Variants in YES1 observed in about 807,000 individuals in gnomAD.
YES1 encodes the protein YES proto-oncogene 1, Src family tyrosine kinase.
Under a neutral mutation model 70.4 loss-of-function variants are expected in YES1, and 39 were observed. The observed-to-expected ratio is 0.55, with a 90% CI of 0.43 to 0.72. The LOEUF (loss-of-function observed/expected upper bound fraction) is 0.72. YES1 is among the 30% of genes least tolerant of loss of function. The pLI is 0.00. For missense variants in YES1, 495 were observed against 644.8 expected (o/e 0.77, Z 2.52); for synonymous variants, 198 against 218.6 (o/e 0.91, Z 0.83).
In YES1 at chr18:779,403, C is replaced by CAA. The variant is rs35003724; in HGVS notation, c.-8-22570_-8-22569dup. 8.2e-3 allele frequency among the ~76,000 whole-genome samples: 520 copies of CAA among 63,064 alleles called. 3 individuals carry two copies. Among genetic ancestry groups the CAA allele is most frequent in the African/African-American group, 0.031 (496 of 15,748 alleles). 41.4% of individuals were successfully genotyped at this position (63,064 alleles called of 152,430 possible). A position where few individuals can be genotyped will look rare whatever the true frequency, so the allele number is the denominator to read the frequency against. ...TCGGAGACAGAGTGAGACCCTGTCT[C>CAA]AAAAAAAAAAAAAAAAGAAAGAAAG... On this transcript the variant is annotated intron_variant, in intron 1 of 11. Transcript: ENST00000314574.
chr18:776,917 C>T (rs1026392789), intron 1 of YES1, among the ~76,000 whole-genome samples: 2 of 152,120 alleles, frequency 1.3e-5, no homozygotes, highest in Admixed American at 6.5e-5. Context: ...GGTTAACTTC[C>T]CCAACTTACT....
intron 1 of YES1, among the ~76,000 whole-genome samples, chr18:794,156 G>A (rs1333385778): frequency 1.3e-5 from 2 of 152,152 alleles, no homozygotes; most frequent in Non-Finnish European, 2.9e-5. Flanking sequence ...ACTTAACTAA[G>A]TAATCAAAGT....
chr18:756,411 T>A (rs1444625332), intron 2 of YES1, 146 bp downstream of exon 2: 2 of 1,138,748 alleles, frequency 1.8e-6, no homozygotes, highest in Non-Finnish European at 2.4e-6. Context: ...TAAAACTAAT[T>A]TTTATGTTAG....
At chr18:796,595 C>T (rs923583444) in intron 1 of YES1, among the ~76,000 whole-genome samples, 25 of 152,084 alleles carry the variant, frequency 1.6e-4, no homozygotes, top group African/African-American at 4.6e-4. Flanking sequence ...TAGTGAAACC[C>T]GTCTCTACTA....
intron 11 of YES1, among the ~76,000 whole-genome samples, chr18:730,614 G>C (rs1236791397): frequency 1.5e-4 from 23 of 152,100 alleles, no homozygotes; most frequent in Admixed American, 1.5e-3. Flanking sequence ...TGCTTAATAA[G>C]ACTTATGCTT....
At chr18:743,521 C>A in intron 6 of YES1, 106 bp from the exon 7 acceptor site, 1 of 946,064 alleles carries the variant, frequency 1.1e-6, no homozygotes, top group Non-Finnish European at 1.5e-6. Flanking sequence ...AAACAGAAGT[C>A]CTTTCGAGTT....
At chr18:769,242 G>A (rs758640021) in intron 1 of YES1, among the ~76,000 whole-genome samples, 12 of 152,144 alleles carry the variant, frequency 7.9e-5, no homozygotes, top group Non-Finnish European at 1.2e-4. Flanking sequence ...TTAAAGTGAC[G>A]TGCGACCGTA....
At chr18:763,893 G>T (rs907906669) in intron 1 of YES1, among the ~76,000 whole-genome samples, 1 of 151,826 alleles carries the variant, frequency 6.6e-6, no homozygotes, top group Non-Finnish European at 1.5e-5. Flanking sequence ...AGGCCGAGGC[G>T]GGCAGATCAT....
intron 10 of YES1, among the ~76,000 whole-genome samples, chr18:733,506 G>A (rs916439912): frequency 6.6e-6 from 1 of 151,334 alleles, no homozygotes; most frequent in Non-Finnish European, 1.5e-5. Context: ...GCTTTCGGCC[G>A]GGCGCGGTGG....
chr18:756,713 C>G lies in YES1; in HGVS notation c.115G>C (p.Val39Leu). 1.9e-6 allele frequency: 3 copies of G among 1,614,200 alleles called. No homozygotes were observed. Among genetic ancestry groups the G allele is most frequent in the Non-Finnish European group, 2.5e-6 (3 of 1,180,030 alleles). The change falls in exon 2 of 12, where the codon GTG becomes CTG. Residue 39 changes from valine (V) to leucine (L), a missense_variant. Transcript: ENST00000314574. ...VSHYGAEPTT[V>L]SPCPSSSAKG... Reference sequence around the variant, plus strand: ...GCTGAAGATGACGGACATGGTGACACTGTAGTGGGTTCTGCTCCATAATGG... The same window carrying G: ...GCTGAAGATGACGGACATGGTGACAGTGTAGTGGGTTCTGCTCCATAATGG...
rs150887478 is a variant in YES1, at chr18:741,397, C to T, written c.1060+1521G>A. Among the ~76,000 whole-genome samples, 312 of 152,234 alleles carry T rather than the reference C, an allele frequency of 2.0e-3. 1 individual carries two copies. The highest frequency in any genetic ancestry group is 7.1e-3 in the African/African-American group (295 of 41,540). On this transcript the variant is annotated intron_variant, in intron 8 of 11. Transcript: ENST00000314574. Reference sequence around the variant, plus strand: ...TAGGGAATACATGTGTGTGCAACCACGTCCTGCTAATTTTTTTAGTTTTTG... The same window carrying T: ...TAGGGAATACATGTGTGTGCAACCATGTCCTGCTAATTTTTTTAGTTTTTG...
chr18:725,170 T>G (rs905777400), intron 11 of YES1, among the ~76,000 whole-genome samples: 3 of 152,310 alleles, frequency 2.0e-5, no homozygotes, highest in African/African-American at 7.2e-5. Context: ...TGTATTCCTT[T>G]GTAATCCCCC....
At chr18:751,616 A>G in intron 3 of YES1, 89 bp downstream of exon 3, 1 of 880,434 alleles carries the variant, frequency 1.1e-6, no homozygotes, top group Non-Finnish European at 1.8e-6. Context: ...TACCTCTCTC[A>G]TCTCTGGATC....
intron 1 of YES1, among the ~76,000 whole-genome samples, chr18:796,715 A>C (rs1194386678): frequency 2.6e-5 from 4 of 152,158 alleles, no homozygotes; most frequent in Non-Finnish European, 5.9e-5. Flanking sequence ...CCAAGATGGC[A>C]CCACTGCACT....
intron 11 of YES1, among the ~76,000 whole-genome samples, chr18:730,543 C>T (rs577000968): frequency 4.6e-5 from 7 of 152,084 alleles, no homozygotes; most frequent in Non-Finnish European, 7.4e-5. Context: ...AGTTCTTTCC[C>T]TATGGTTCCT....
chr18:753,912 T>C (rs1245745311), intron 2 of YES1, among the ~76,000 whole-genome samples: 3 of 152,228 alleles, frequency 2.0e-5, no homozygotes, highest in Non-Finnish European at 4.4e-5. Flanking sequence ...CCCTACCATC[T>C]AATCAGGTAC....
chr18:775,753 T>C (rs946182101), intron 1 of YES1, among the ~76,000 whole-genome samples: 2 of 152,036 alleles, frequency 1.3e-5, no homozygotes, highest in African/African-American at 4.8e-5. Flanking sequence ...GCCGTGATTG[T>C]GCCACTGCAC....
chr18:731,966 CAAAA>C (rs1165333694), intron 11 of YES1, among the ~76,000 whole-genome samples: 15 of 79,968 alleles, frequency 1.9e-4, no homozygotes, highest in East Asian at 7.4e-4. Context: ...GACTCCATTT[CAAAA>C]AAAAAAAAAA....
At chr18:755,207 T>C (rs1365497216) in intron 2 of YES1, among the ~76,000 whole-genome samples, 1 of 151,818 alleles carries the variant, frequency 6.6e-6, no homozygotes, top group Non-Finnish European at 1.5e-5. Flanking sequence ...ACTCCCTAAA[T>C]GAAGTCTAAC....
Sources: allele counts gnomAD v4.1 joint callset (sites outside exome capture counted in the v4.1 genomes callset), GRCh38; gene constraint gnomAD v4.1.1; transcripts MANE v1.5; gene names NCBI Gene and HGNC (gene_info 2026-07-23, HGNC 2026-07-21).